The following DPP10 variants were observed in gnomAD, a reference collection of about 807,000 sequenced individuals.
The protein encoded by DPP10 is inactive dipeptidyl peptidase 10.
Under a neutral mutation model 120.9 loss-of-function variants are expected in DPP10, and 33 were observed. The ratio of observed to expected loss-of-function variants is 0.27; its 90% CI spans 0.21 to 0.37. The LOEUF (loss-of-function observed/expected upper bound fraction) is 0.37. Ranked by LOEUF, DPP10 falls within the 10% of genes least tolerant of loss-of-function variation. The pLI is 1.00. For missense variants in DPP10, 816 were observed against 942.8 expected (o/e 0.87, Z 1.76); for synonymous variants, 337 against 326.1 (o/e 1.03, Z -0.36).
intron 1 of DPP10, among the ~76,000 whole-genome samples, chr2:115,039,143 G>A (rs2105288480): frequency 6.6e-6 from 1 of 152,260 alleles, no homozygotes; most frequent in South Asian, 2.1e-4. Flanking sequence ...AGAACACACT[G>A]GGTGTAGGGA....
intron 5 of DPP10, among the ~76,000 whole-genome samples, chr2:115,606,264 A>C (rs2083698519): frequency 6.6e-6 from 1 of 152,178 alleles, no homozygotes; most frequent in African/African-American, 2.4e-5. Context: ...CTGCAGGGCA[A>C]ACTCAAGCAT....
intron 3 of DPP10, among the ~76,000 whole-genome samples, chr2:115,471,476 C>G (rs2074712052): frequency 6.6e-6 from 1 of 152,172 alleles, no homozygotes; most frequent in African/African-American, 2.4e-5. Flanking sequence ...ACCTTGCTCT[C>G]TGGTCTCTCC....
At chr2:115,225,487 G>A (rs548955176) in intron 1 of DPP10, among the ~76,000 whole-genome samples, 183 of 120,698 alleles carry the variant, frequency 1.5e-3, no homozygotes, top group Non-Finnish European at 2.5e-3. Context: ...AAGTCAAACC[G>A]CATGAATGTG....
intron 1 of DPP10, among the ~76,000 whole-genome samples, chr2:115,268,920 C>G (rs1378257662): frequency 4.6e-5 from 7 of 151,898 alleles, no homozygotes; most frequent in Non-Finnish European, 8.8e-5. Context: ...GAGGCCGAGG[C>G]GGCGGATCAT....
chr2:114,468,445 G>A (rs921707046), intron 1 of DPP10, among the ~76,000 whole-genome samples: 1 of 139,360 alleles, frequency 7.2e-6, no homozygotes, highest in African/African-American at 2.7e-5. Context: ...GATGAAAGAT[G>A]TCTTCCACTT....
intron 5 of DPP10, among the ~76,000 whole-genome samples, chr2:115,635,155 A>G (rs2086218550): frequency 6.7e-6 from 1 of 150,354 alleles, no homozygotes; most frequent in East Asian, 1.9e-4. Flanking sequence ...AGGCAGCCAC[A>G]GTGATGGCTG....
At position 115,217,342 on chromosome 2, in the gene DPP10, AC is replaced by A. The variant is rs1390500145; in HGVS notation, c.61-91895del. On this transcript the variant is annotated intron_variant, in intron 1 of 25. Coordinates refer to ENST00000410059, the MANE Select transcript of DPP10 (RefSeq NM_020868.6). ...CTAGAAGACATCATACATGGTAAACACCTAAAGAGTGCTCGCCACATAAGGC... is the reference window on the plus strand; with the variant it reads ...CTAGAAGACATCATACATGGTAAACACTAAAGAGTGCTCGCCACATAAGGC... Among the ~76,000 whole-genome samples the A allele has an allele frequency of 3.3e-5, 5 of 152,268 alleles. No homozygotes were observed. In the South Asian group the frequency reaches 8.3e-4, roughly 25 times the overall value.
chr2:114,461,631 G>A (rs760884763), intron 1 of DPP10: 1 of 985,174 alleles, frequency 1.0e-6, no homozygotes, highest in Non-Finnish European at 1.2e-6. Flanking sequence ...AGAAAGACAG[G>A]GTAATATTTT....
intron 13 of DPP10, among the ~76,000 whole-genome samples, chr2:115,771,371 G>T (rs1277982565): frequency 6.6e-6 from 1 of 152,024 alleles, no homozygotes; most frequent in Non-Finnish European, 1.5e-5. Flanking sequence ...ACCACGCCCG[G>T]CCTGTACTGT....
rs1432101620 is a variant in DPP10 at position 114,990,636 on chromosome 2, T to A, written c.61-318603T>A. Among the ~76,000 whole-genome samples the A allele has an allele frequency of 2.0e-5, 3 of 152,180 alleles. No individual in the cohort carries two copies. The East Asian group carries it at 5.8e-4, about 29-fold the overall frequency. The stretch of plus-strand genomic sequence containing the variant: ...TTTTCTATTAATATCCCTTTCTCCA[T>A]TCAAGTATTTATTTTTCTCTTTCCT... On this transcript the variant is annotated intron_variant, in intron 1 of 25. Transcript: ENST00000410059.
intron 4 of DPP10, among the ~76,000 whole-genome samples, chr2:115,503,310 A>G (rs908067390): frequency 1.3e-5 from 2 of 152,082 alleles, no homozygotes; most frequent in African/African-American, 4.8e-5. Flanking sequence ...ATGTCATCCT[A>G]GTGTTTTTCA....
At chr2:115,478,476 C>A (rs2075230903) in intron 3 of DPP10, among the ~76,000 whole-genome samples, 1 of 152,058 alleles carries the variant, frequency 6.6e-6, no homozygotes, top group Admixed American at 6.6e-5. Flanking sequence ...AGGACAAAAG[C>A]CTCAAGATTT....
chr2:115,321,999 T>C (rs913568961), intron 2 of DPP10, among the ~76,000 whole-genome samples: 2 of 152,174 alleles, frequency 1.3e-5, no homozygotes, highest in Non-Finnish European at 2.9e-5. Context: ...TTTAACACAA[T>C]TGATTTAAAG....
intron 1 of DPP10, among the ~76,000 whole-genome samples, chr2:114,928,545 C>G (rs1363376063): frequency 1.3e-5 from 2 of 152,190 alleles, no homozygotes; most frequent in East Asian, 3.9e-4. Context: ...TGCAATCCCC[C>G]TGGCTGGCTG....
rs549197148 is a variant in DPP10 at position 115,572,255 on chromosome 2, T to C, written c.441+46283T>C. The stretch of plus-strand genomic sequence containing the variant: ...ATCAATATTCTGGGAAAAATACAGG[T>C]GCAAGATATTATGTGCCTTTTAAAT... On this transcript the variant is annotated intron_variant, in intron 5 of 25. Transcript: ENST00000410059. Among the ~76,000 whole-genome samples the C allele has an allele frequency of 2.5e-4, 38 of 152,048 alleles. No homozygotes were observed. The South Asian group carries it at 7.5e-3, about 30-fold the overall frequency.
At chr2:114,740,948 A>T (rs1409248829) in intron 1 of DPP10, among the ~76,000 whole-genome samples, 1 of 152,200 alleles carries the variant, frequency 6.6e-6, no homozygotes, top group African/African-American at 2.4e-5. Context: ...ATCTGTTGAG[A>T]GTTCCAAATT....
At chr2:115,522,319 A>G (rs2077859366) in intron 4 of DPP10, among the ~76,000 whole-genome samples, 1 of 152,128 alleles carries the variant, frequency 6.6e-6, no homozygotes, top group Non-Finnish European at 1.5e-5. Context: ...ACCAGTGACT[A>G]ACGAGGTTCA....
intron 1 of DPP10, among the ~76,000 whole-genome samples, chr2:114,638,918 T>A: frequency 6.6e-6 from 1 of 151,758 alleles, no homozygotes; most frequent in East Asian, 1.9e-4. Context: ...ATAATGAAAA[T>A]ATGGTAAATA....
chr2:114,844,286 A>T lies in DPP10; in HGVS notation c.60+401448A>T, dbSNP rs571473570. Among the ~76,000 whole-genome samples, 2 of 152,194 alleles carry T rather than the reference A, an allele frequency of 1.3e-5. 1 individual carries two copies. The highest frequency in any genetic ancestry group is 4.1e-4 in the South Asian group (2 of 4,826). On this transcript the variant is annotated intron_variant, in intron 1 of 25. Transcript: ENST00000410059. ...TGTGATTTCTGCTAATGCCCAAATA[A>T]TAGTTTCCTCAAATGCTAAATGCCA...
Sources: allele counts gnomAD v4.1 joint callset (sites outside exome capture counted in the v4.1 genomes callset), GRCh38; gene constraint gnomAD v4.1.1; transcripts MANE v1.5; gene names NCBI Gene and HGNC (gene_info 2026-07-23, HGNC 2026-07-21).